The following FAM161A variants were observed in gnomAD, a reference collection of about 807,000 sequenced individuals.
The protein encoded by FAM161A is protein FAM161A.
In FAM161A, 57 loss-of-function variants were observed where a neutral mutation model predicts 70.9. That is an observed-to-expected ratio of 0.80 (90% CI 0.65 to 1.00). FAM161A has a LOEUF of 1.00. Ranked by LOEUF, FAM161A falls within the 50% of genes least tolerant of loss-of-function variation. The pLI is 0.00. For synonymous variants in FAM161A, 299 were observed against 295.7 expected (o/e 1.01, Z -0.12); for missense variants, 880 against 836.0 (o/e 1.05, Z -0.65).
intron 5 of FAM161A, among the ~76,000 whole-genome samples, chr2:61,830,634 A>T (rs1672532468): frequency 6.7e-6 from 1 of 148,852 alleles, no homozygotes; most frequent in Admixed American, 6.8e-5. Flanking sequence ...CAGTGAGCCG[A>T]GATCACGCCA....
chr2:61,827,558 C>A (rs186112272), intron 5 of FAM161A, among the ~76,000 whole-genome samples: 1 of 142,290 alleles, frequency 7.0e-6, no homozygotes, highest in Non-Finnish European at 1.5e-5. Flanking sequence ...TGCAGTGAGC[C>A]GAGATCGCGC....
chr2:61,820,673 G>A (rs189381865), downstream of FAM161A: 5 of 431,306 alleles, frequency 1.2e-5, no homozygotes, highest in Admixed American at 1.0e-4. Context: ...GTGTAACAAG[G>A]GAAAGTTTTT....
intron 3 of FAM161A, 101 bp from the exon 4 acceptor site, chr2:61,838,806 T>A: frequency 1.2e-6 from 1 of 809,848 alleles, no homozygotes; most frequent in Non-Finnish European, 1.7e-6. Context: ...AATTCAAAAT[T>A]TGAAAAAAGG....
chr2:61,818,364 A>C, the FAM161A span, among the ~76,000 whole-genome samples: 2 of 152,150 alleles, frequency 1.3e-5, no homozygotes, highest in Non-Finnish European at 2.9e-5. Flanking sequence ...CTGGATCCTA[A>C]TTTCTGAAGA....
the FAM161A span, among the ~76,000 whole-genome samples, chr2:61,814,159 C>T: frequency 6.6e-6 from 1 of 152,158 alleles, no homozygotes; most frequent in East Asian, 1.9e-4. Flanking sequence ...GCTGGAGTGT[C>T]ACCTACCAGT....
rs1171046817 is a variant in FAM161A at position 61,826,128 on chromosome 2, AT to A, written c.*326del. The stretch of plus-strand genomic sequence containing the variant: ...TTCTCTCTCCTTTCAATACTAAGCC[AT>A]TTTTTCCAGTAAAATTAATGAAATA... On this transcript the variant is annotated 3_prime_UTR_variant, in exon 7 of 7. Coordinates refer to ENST00000404929, the MANE Select transcript of FAM161A (RefSeq NM_001201543.2). The A allele has an allele frequency of 8.1e-6, 4 of 491,154 alleles. No homozygotes were observed. Among genetic ancestry groups the A allele is most frequent in the Admixed American group, 2.3e-5 (1 of 43,610 alleles). 30.4% of individuals were successfully genotyped at this position (491,154 alleles called of 1,614,324 possible). A position where few individuals can be genotyped will look rare whatever the true frequency, so the allele number is the denominator to read the frequency against.
downstream of FAM161A, among the ~76,000 whole-genome samples, chr2:61,821,597 C>CT (rs1183630534): frequency 6.6e-6 from 1 of 151,606 alleles, no homozygotes; most frequent in African/African-American, 2.4e-5. Context: ...ATCTGAATAT[C>CT]TTTTTTTCTT....
chr2:61,844,654 G>A (rs1673141780), intron 1 of FAM161A, among the ~76,000 whole-genome samples: 2 of 152,102 alleles, frequency 1.3e-5, no homozygotes, highest in South Asian at 4.1e-4. Context: ...AGCCAAGATC[G>A]TACCACAGCA....
the FAM161A span, among the ~76,000 whole-genome samples, chr2:61,804,014 A>G: frequency 8.5e-5 from 13 of 152,334 alleles, no homozygotes; most frequent in Non-Finnish European, 8.8e-5. Context: ...CGGCTACTCC[A>G]TAGACAGAGG....
At chr2:61,829,675 T>C (rs1169469611) in intron 5 of FAM161A, among the ~76,000 whole-genome samples, 2 of 152,160 alleles carry the variant, frequency 1.3e-5, no homozygotes, top group East Asian at 1.9e-4. Flanking sequence ...AAATTAAATA[T>C]ATAAGACATT....
At chr2:61,838,046 G>C (rs1428232029) in intron 4 of FAM161A, among the ~76,000 whole-genome samples, 1 of 152,148 alleles carries the variant, frequency 6.6e-6, no homozygotes, top group Non-Finnish European at 1.5e-5. Flanking sequence ...TTCTAGTGAA[G>C]GGGTTCTAAG....
chr2:61,804,330 A>C, the FAM161A span, among the ~76,000 whole-genome samples: 1 of 152,218 alleles, frequency 6.6e-6, no homozygotes, highest in Admixed American at 6.5e-5. Context: ...TGTGACTTAG[A>C]GAATGCCTTA....
the FAM161A span, among the ~76,000 whole-genome samples, chr2:61,816,667 T>C: frequency 7.2e-5 from 11 of 151,954 alleles, no homozygotes; most frequent in Admixed American, 5.9e-4. Flanking sequence ...GGGGGGGTCT[T>C]GCTATGTTGC....
chr2:61,804,761 A>AAAG, the FAM161A span, among the ~76,000 whole-genome samples: 1 of 73,594 alleles, frequency 1.4e-5, no homozygotes, highest in Non-Finnish European at 2.7e-5. Context: ...AAAGAAAGAA[A>AAAG]AAGAAAGAGA....
At chr2:61,822,523 A>G (rs1047660563), downstream of FAM161A, among the ~76,000 whole-genome samples, 1 of 152,190 alleles carries the variant, frequency 6.6e-6, no homozygotes, top group Non-Finnish European at 1.5e-5. Context: ...ACATATACAC[A>G]TATGTGATAG....
At position 61,826,405 on chromosome 2, in the gene FAM161A, C is replaced by T. The variant is rs199668340; in HGVS notation, c.*50G>A. 1 of 1,597,012 alleles carries T rather than the reference C, an allele frequency of 6.3e-7. No homozygotes were observed. Among genetic ancestry groups the T allele is most frequent in the South Asian group, 1.1e-5 (1 of 89,596 alleles). ...CTAAACACAAATGCGGCTGCTGACACCCTGACGCTGCAAACAACAGCAAGG... is the reference window on the plus strand; with the variant it reads ...CTAAACACAAATGCGGCTGCTGACATCCTGACGCTGCAAACAACAGCAAGG... On this transcript the variant is annotated 3_prime_UTR_variant, in exon 7 of 7. Transcript: ENST00000404929.
chr2:61,842,143 T>G lies in FAM161A; in HGVS notation c.401A>C (p.Asp134Ala). 6.2e-7 allele frequency: 1 copy of G among 1,600,724 alleles called. No homozygotes were observed. The highest frequency in any genetic ancestry group is 8.6e-7 in the Non-Finnish European group (1 of 1,167,994). The change falls in exon 2 of 7, where the codon GAC becomes GCC. Residue 134 changes from aspartate to alanine, a missense_variant. Asp to Ala is a moderately radical substitution (Grantham distance 126). Coordinates refer to ENST00000404929, the MANE Select transcript of FAM161A (RefSeq NM_001201543.2). ...TTACCTGGAAGAGTCACTAAGAGAG[T>G]CTTCTCTGATGACCACTGGCTGAAC... ...KEVQPVVIRE[D>A]SLSDSSRSVS...
In FAM161A at chr2:61,829,458, G is replaced by A. The variant is rs948670580; in HGVS notation, c.1852-2200C>T. 2.6e-5 allele frequency among the ~76,000 whole-genome samples: 4 copies of A among 152,230 alleles called. No individual in the cohort carries two copies. In the East Asian group the frequency reaches 5.8e-4, roughly 22 times the overall value. On this transcript the variant is annotated intron_variant, in intron 5 of 6. Transcript: ENST00000404929. ...GAAAAAGAAACACTGCTGCTAAAAC[G>A]CACTCACTGTGAATAACAATAATAT...
At chr2:61,813,718 CAAAAAA>C in the FAM161A span, among the ~76,000 whole-genome samples, 105 of 87,022 alleles carry the variant, frequency 1.2e-3, no homozygotes, top group Middle Eastern at 0.024. Flanking sequence ...GACCCTGTCT[CAAAAAA>C]AAAAAAAAAA....
Sources: gnomAD v4.1 joint callset for allele counts (sites outside exome capture counted in the v4.1 genomes callset) on GRCh38, gnomAD v4.1.1 for gene constraint, MANE v1.5 for transcripts, NCBI Gene and HGNC (gene_info 2026-07-23, HGNC 2026-07-21) for gene names.